The following RUNX1T1 variants were observed in gnomAD, a reference collection of about 807,000 sequenced individuals.
The protein encoded by RUNX1T1 is RUNX1 partner transcriptional co-repressor 1.
A neutral mutation model predicts 62.8 loss-of-function variants in RUNX1T1; 4 were observed. The ratio of observed to expected loss-of-function variants is 0.06; its 90% CI spans 0.03 to 0.15. The LOEUF is 0.15. Among genes scored for constraint, RUNX1T1 ranks in the 10% least tolerant of loss-of-function variants. The pLI, the probability that RUNX1T1 is intolerant of heterozygous loss-of-function variation, is 1.00. For missense variants in RUNX1T1, 508 were observed against 754.3 expected (o/e 0.67, Z 3.82); for synonymous variants, 291 against 286.0 (o/e 1.02, Z -0.18).
chr8:91,961,358 G>A (rs751733734), intron 10 of RUNX1T1, among the ~76,000 whole-genome samples: 1 of 152,216 alleles, frequency 6.6e-6, no homozygotes. Flanking sequence ...AGCCAACGGA[G>A]CTGCTCTGCT....
chr8:92,012,379 A>G (rs1331509533), intron 3 of RUNX1T1, among the ~76,000 whole-genome samples: 3 of 152,010 alleles, frequency 2.0e-5, no homozygotes, highest in Non-Finnish European at 4.4e-5. Flanking sequence ...TGATGTCACA[A>G]AAAAATTAGC....
intron 1 of RUNX1T1, among the ~76,000 whole-genome samples, chr8:92,030,197 C>A (rs11775644): frequency 0.15 from 23,521 of 152,114 alleles, 2,305 homozygotes; most frequent in Non-Finnish European, 0.22. Flanking sequence ...TCTCCCCTAT[C>A]CTACCCACTG....
chr8:92,102,898 C>T (rs1838106919), upstream of RUNX1T1: 2 of 1,517,250 alleles, frequency 1.3e-6, no homozygotes, highest in East Asian at 2.6e-5. This position sits in a 1 kb window ranked among gnomAD's most constrained non-coding sequence, Gnocchi z 4.5. Context: ...CCACAGGCTC[C>T]GAGCTGCAAA....
Position 91,966,950 on chromosome 8 carries a change from T to A in RUNX1T1, c.1458+3708A>T, listed in dbSNP as rs573625839. 3.6e-4 allele frequency among the ~76,000 whole-genome samples: 54 copies of A among 152,002 alleles called. 1 individual carries two copies. Among genetic ancestry groups the A allele is most frequent in the African/African-American group, 1.3e-3 (52 of 41,450 alleles). On this transcript the variant is annotated intron_variant, in intron 10 of 10. Transcript: ENST00000396218. ...ACAAACAAACAAACAAACAAAAACCTCCCACTCCTGCCATGTAGCTACTAA... is the reference window on the plus strand; with the variant it reads ...ACAAACAAACAAACAAACAAAAACCACCCACTCCTGCCATGTAGCTACTAA...
chr8:91,968,242 C>G (rs1812049576), intron 10 of RUNX1T1, among the ~76,000 whole-genome samples: 1 of 152,034 alleles, frequency 6.6e-6, no homozygotes, highest in South Asian at 2.1e-4. Flanking sequence ...GAGGTGGGAC[C>G]ATTCAACTTA....
chr8:92,062,801 C>A (rs1832288437), exon 1 of RUNX1T1: 3 of 1,468,156 alleles, frequency 2.0e-6, no homozygotes, highest in Non-Finnish European at 2.7e-6. Flanking sequence ...GGCCTTGAAC[C>A]CAGCCCTGTC....
At chr8:92,085,768 A>G (rs1836010658) in intron 1 of RUNX1T1, among the ~76,000 whole-genome samples, 1 of 152,224 alleles carries the variant, frequency 6.6e-6, no homozygotes, top group South Asian at 2.1e-4. Flanking sequence ...GTCCTCACCC[A>G]GGTAGATTTT....
At chr8:91,961,398 G>A (rs962757023) in intron 10 of RUNX1T1, among the ~76,000 whole-genome samples, 2 of 152,232 alleles carry the variant, frequency 1.3e-5, no homozygotes, top group African/African-American at 4.8e-5. Context: ...ACTCTGGGAA[G>A]TCAGAAAAGC....
downstream of RUNX1T1, chr8:91,957,446 G>GAGGAGGAAGAGGGGA (rs897075644): frequency 4.3e-6 from 1 of 231,564 alleles, no homozygotes; most frequent in African/African-American, 2.2e-5. Flanking sequence ...AGGAGAGGAA[G>GAGGAGGAAGAGGGGA]AGGAGGAAGA....
chr8:92,074,323 T>C lies in RUNX1T1; in HGVS notation c.88+1642A>G, dbSNP rs140982305. Among the ~76,000 whole-genome samples the C allele has an allele frequency of 2.0e-5, 3 of 152,356 alleles. No individual in the cohort carries two copies. The East Asian group carries it at 5.8e-4, about 29-fold the overall frequency. ...GTTCATTGCCAGCAGGCCACAGATA[T>C]ATTCCACATGACCAGAAAGGAATAG... is the stretch of plus-strand genomic sequence containing the variant. On this transcript the variant is annotated intron_variant, in intron 2 of 11. Coordinates refer to the RUNX1T1 transcript ENST00000265814.
chr8:92,069,719 C>T (rs930001800), intron 2 of RUNX1T1, among the ~76,000 whole-genome samples: 17 of 152,052 alleles, frequency 1.1e-4, no homozygotes, highest in Admixed American at 2.6e-4. Flanking sequence ...TTTTACCAGG[C>T]AAAAGAGAAT....
intron 1 of RUNX1T1, among the ~76,000 whole-genome samples, chr8:92,053,682 A>T (rs551662443): frequency 2.0e-5 from 3 of 152,242 alleles, no homozygotes; most frequent in Non-Finnish European, 4.4e-5. Context: ...TATAAGATTC[A>T]TTTCTTAATT....
intron 1 of RUNX1T1, among the ~76,000 whole-genome samples, chr8:92,028,477 C>A (rs918794883): frequency 6.6e-6 from 1 of 152,008 alleles, no homozygotes; most frequent in African/African-American, 2.4e-5. Context: ...CTTGGAGGTA[C>A]CTAAGGTACC....
At chr8:91,994,969 C>G (rs1190796735) in intron 5 of RUNX1T1, among the ~76,000 whole-genome samples, 1 of 152,192 alleles carries the variant, frequency 6.6e-6, no homozygotes, top group African/African-American at 2.4e-5. Flanking sequence ...AGTCCTCTGG[C>G]CAAACCATAA....
intron 1 of RUNX1T1, among the ~76,000 whole-genome samples, chr8:92,076,859 A>C (rs1483896812): frequency 6.6e-6 from 1 of 152,084 alleles, no homozygotes; most frequent in African/African-American, 2.4e-5. Context: ...TACTATGATT[A>C]AAAATGAGAC....
rs574396598 is a variant in RUNX1T1, at chr8:92,039,226, C to T, written c.8-21863G>A. On this transcript the variant is annotated intron_variant, in intron 1 of 10. Transcript: ENST00000396218. The stretch of plus-strand genomic sequence containing the variant: ...TTCACTATGTTGCCCAGGCTGGTCT[C>T]GAACTCCTGAGCTCAAGTGATCCAA... Among the ~76,000 whole-genome samples, 96 of 150,140 alleles carry T rather than the reference C, an allele frequency of 6.4e-4. No individual in the cohort carries two copies. In the South Asian group the frequency reaches 0.017, roughly 26 times the overall value.
chr8:91,962,852 C>T (rs543223677), intron 10 of RUNX1T1, among the ~76,000 whole-genome samples: 1 of 152,294 alleles, frequency 6.6e-6, no homozygotes, highest in Non-Finnish European at 1.5e-5. Flanking sequence ...TTAGGAAATA[C>T]CCTGGTGTGA....
chr8:91,989,223 A>G (rs1303951012), intron 6 of RUNX1T1, among the ~76,000 whole-genome samples: 6 of 152,222 alleles, frequency 3.9e-5, no homozygotes, highest in Admixed American at 3.9e-4. Flanking sequence ...CCCTACACAT[A>G]ATAGGCATTT....
At chr8:92,002,255 T>C (rs1464239963) in intron 5 of RUNX1T1, among the ~76,000 whole-genome samples, 1 of 151,986 alleles carries the variant, frequency 6.6e-6, no homozygotes, top group Non-Finnish European at 1.5e-5. Context: ...ACCTACAAAA[T>C]CAGTAACACT....
Sources: allele counts gnomAD v4.1 joint callset (sites outside exome capture counted in the v4.1 genomes callset), GRCh38; gene constraint gnomAD v4.1.1; non-coding constraint Gnocchi (gnomAD v3.1); transcripts MANE v1.5; gene names NCBI Gene and HGNC (gene_info 2026-07-23, HGNC 2026-07-21).